Variants in FIZ1 observed in about 807,000 individuals in gnomAD.
FIZ1 encodes the protein flt3-interacting zinc finger protein 1.
A neutral mutation model predicts 5.3 loss-of-function variants in FIZ1; 2 were observed. The observed-to-expected ratio is 0.37, with a 90% CI of 0.15 to 1.18. The LOEUF is 1.18. Among genes scored for constraint, FIZ1 ranks in the 50% most tolerant of loss-of-function variants. FIZ1 has a pLI of 0.37. For synonymous variants in FIZ1, 407 were observed against 364.2 expected (o/e 1.12, Z -1.34); for missense variants, 631 against 749.7 (o/e 0.84, Z 1.85).
In FIZ1 at chr19:55,592,847, G is replaced by T; in HGVS notation, c.1094C>A (p.Ala365Asp). The T allele has an allele frequency of 6.4e-7, 1 of 1,555,346 alleles. No individual in the cohort carries two copies. The highest frequency in any genetic ancestry group is 8.6e-7 in the Non-Finnish European group (1 of 1,156,438). ...CAAGGCGGCCAGCGCCGCGTACAGA[G>T]CCCCGCAGTGGCCGCAGCCGTAGGT... ...PATYGCGHCG[A>D]LYAALAALEE... Residue 365 changes from alanine (A) to aspartate (D), a missense_variant, in exon 3 of 3, where the codon GCT becomes GAT. Physicochemically the swap from Ala to Asp is moderately radical, Grantham distance 126. Coordinates refer to ENST00000221665, the MANE Select transcript of FIZ1 (RefSeq NM_032836.3). The surrounding 1 kb of genome is among the most constrained non-coding windows in gnomAD (Gnocchi z 6.9).
chr19:55,595,386 C>T (rs906395951), intron 2 of FIZ1, among the ~76,000 whole-genome samples: 1 of 152,142 alleles, frequency 6.6e-6, no homozygotes, highest in African/African-American at 2.4e-5. Context: ...GGTCCCAGGG[C>T]CCTTGTACAT....
chr19:55,592,340 G>T lies in FIZ1; in HGVS notation c.*110C>A. On this transcript the variant is annotated 3_prime_UTR_variant, in exon 3 of 3. Transcript: ENST00000221665. The surrounding 1 kb of genome is among the most constrained non-coding windows in gnomAD (Gnocchi z 6.9). The stretch of plus-strand genomic sequence containing the variant: ...AGGGTCCCCTCATTTCAGGGCCTGC[G>T]TCTGGATTTGGATTTGGAGGGCCGG... 2 of 1,139,414 alleles carry T rather than the reference G, an allele frequency of 1.8e-6. No individual in the cohort carries two copies. The highest frequency in any genetic ancestry group is 2.4e-6 in the Non-Finnish European group (2 of 831,020). The allele number at this position is 1,139,414 out of a possible 1,614,324, so 70.6% of individuals were successfully genotyped here.
At position 55,593,771 on chromosome 19, in the gene FIZ1, A is replaced by C. The variant is rs1451846768; in HGVS notation, c.295-125T>G. 1 of 843,732 alleles carries C rather than the reference A, an allele frequency of 1.2e-6. No individual in the cohort carries two copies. Among genetic ancestry groups the C allele is most frequent in the South Asian group, 1.6e-5 (1 of 61,114 alleles). The allele number at this position is 843,732 out of a possible 1,614,324, so 52.3% of individuals were successfully genotyped here. On this transcript the variant is annotated intron_variant, in intron 2 of 2. Transcript: ENST00000221665. This position sits in a 1 kb window ranked among gnomAD's most constrained non-coding sequence, Gnocchi z 6.3. ...ACACCTACAGGGCCATGATCTAGGG[A>C]AACGCTCGTCCTATCACTCTCTGTT...
intron 1 of FIZ1, 175 bp from the exon 2 acceptor site, chr19:55,598,076 C>G: frequency 1.3e-6 from 1 of 755,562 alleles, no homozygotes; most frequent in Non-Finnish European, 2.1e-6. Flanking sequence ...ACCCTTCTCT[C>G]GCGGCTCCAC....
Position 55,593,030 on chromosome 19 carries a change from T to A in FIZ1, c.911A>T (p.Lys304Met). Residue 304 changes from lysine to methionine, a missense_variant, in exon 3 of 3, where the codon AAG becomes ATG. Coordinates refer to ENST00000221665, the MANE Select transcript of FIZ1 (RefSeq NM_032836.3). The surrounding 1 kb of genome is among the most constrained non-coding windows in gnomAD (Gnocchi z 6.3). The stretch of plus-strand genomic sequence containing the variant: ...GCCCTCGGGGAGCAGCCCCCCGAGC[T>A]TGGGCACGCCGCCCCCCGCGGGGCC... Reference protein sequence around the residue: ...LLGPAGGGVPKLGGLLPEGGG... With the variant: ...LLGPAGGGVPMLGGLLPEGGG... 1 of 1,429,240 alleles carries A rather than the reference T, an allele frequency of 7.0e-7. No individual in the cohort carries two copies. Among genetic ancestry groups the A allele is most frequent in the Non-Finnish European group, 9.1e-7 (1 of 1,100,588 alleles). The allele number at this position is 1,429,240 out of a possible 1,614,324, so 88.5% of individuals were successfully genotyped here.
chr19:55,592,248 C>G lies in FIZ1; in HGVS notation c.*202G>C, dbSNP rs1980037712. ...GGCTCCCCTGCCCCAGCTAAGGACC[C>G]TGTTTGTTTGTGGTCCCCCAGCTCC... On this transcript the variant is annotated 3_prime_UTR_variant, in exon 3 of 3. Coordinates refer to ENST00000221665, the MANE Select transcript of FIZ1 (RefSeq NM_032836.3). The surrounding 1 kb of genome is among the most constrained non-coding windows in gnomAD (Gnocchi z 6.9). 1 of 588,268 alleles carries G rather than the reference C, an allele frequency of 1.7e-6. No homozygotes were observed. The highest frequency in any genetic ancestry group is 2.9e-6 in the Non-Finnish European group (1 of 350,384). 36.4% of individuals were successfully genotyped at this position (588,268 alleles called of 1,614,324 possible).
intron 1 of FIZ1, chr19:55,598,599 A>C (rs955812831): frequency 6.6e-6 from 1 of 152,274 alleles, no homozygotes; most frequent in African/African-American, 2.4e-5. Flanking sequence ...TGTTTGGATG[A>C]CTATTATCCC....
chr19:55,597,523 C>A (rs1980383519), intron 2 of FIZ1, 49 bp downstream of exon 2: 2 of 1,574,740 alleles, frequency 1.3e-6, no homozygotes, highest in Non-Finnish European at 8.6e-7. Flanking sequence ...GGGATCCCAC[C>A]GTAGTCCTGA....
In FIZ1 at chr19:55,592,417, T is replaced by C. The variant is rs191295027; in HGVS notation, c.*33A>G. ...CTGGTCCAGGCCGAGTCCAGGAGGC[T>C]GGGTGGAGGGCAGGGCGCACGCAGC... On this transcript the variant is annotated 3_prime_UTR_variant, in exon 3 of 3. Transcript: ENST00000221665. This position sits in a 1 kb window ranked among gnomAD's most constrained non-coding sequence, Gnocchi z 6.9. 4.2e-5 allele frequency: 63 copies of C among 1,510,660 alleles called. 1 individual carries two copies. In the East Asian group the frequency reaches 1.5e-3, roughly 37 times the overall value. The allele number at this position is 1,510,660 out of a possible 1,614,324, so 93.6% of individuals were successfully genotyped here. A position where few individuals can be genotyped will look rare whatever the true frequency, so the allele number is the denominator to read the frequency against.
Position 55,593,393 on chromosome 19 carries a change from C to T in FIZ1, c.548G>A (p.Ser183Asn), listed in dbSNP as rs758460709. 46 of 1,405,098 alleles carry T rather than the reference C, an allele frequency of 3.3e-5. No homozygotes were observed. The African/African-American group carries it at 6.9e-4, about 21-fold the overall frequency. 87.0% of individuals were successfully genotyped at this position (1,405,098 alleles called of 1,614,324 possible). Residue 183 changes from serine to asparagine, a missense_variant, in exon 3 of 3, where the codon AGC becomes AAC. Ser to Asn is a conservative substitution (Grantham distance 46, BLOSUM62 1). Transcript: ENST00000221665. The surrounding 1 kb of genome is among the most constrained non-coding windows in gnomAD (Gnocchi z 6.3). ...GPEGAGAGLG[S>N]WGLAEAAAAA... Reference sequence around the variant, plus strand: ...AGCTGCCGCCTCTGCCAGCCCCCAGCTGCCCAGACCCGCGCCTGCCCCCTC... The same window carrying T: ...AGCTGCCGCCTCTGCCAGCCCCCAGTTGCCCAGACCCGCGCCTGCCCCCTC...
intron 1 of FIZ1, chr19:55,598,589 T>A (rs1980453240): frequency 1.3e-5 from 2 of 152,372 alleles, no homozygotes; most frequent in Admixed American, 1.3e-4. Context: ...ACAAGTAAGC[T>A]GTTTGGATGA....
chr19:55,596,751 C>T (rs1355185578), intron 2 of FIZ1, among the ~76,000 whole-genome samples: 1 of 152,194 alleles, frequency 6.6e-6, no homozygotes, highest in Admixed American at 6.5e-5. Flanking sequence ...CACCTCACTG[C>T]AACCTCTGCC....
intron 2 of FIZ1, 113 bp downstream of exon 2, chr19:55,597,459 G>A: frequency 6.9e-7 from 1 of 1,441,728 alleles, no homozygotes; most frequent in Non-Finnish European, 9.1e-7. Flanking sequence ...ATGGGAGGAG[G>A]CGGGCGCCTA....
intron 2 of FIZ1, among the ~76,000 whole-genome samples, chr19:55,596,739 C>G (rs969912171): frequency 1.3e-5 from 2 of 152,230 alleles, no homozygotes; most frequent in African/African-American, 4.8e-5. Context: ...ATGGTGCAAT[C>G]TCACCTCACT....
intron 1 of FIZ1, chr19:55,598,772 C>G (rs1194313420): frequency 6.6e-6 from 1 of 152,252 alleles, no homozygotes; most frequent in Non-Finnish European, 1.5e-5. Context: ...GGACTCCCGT[C>G]ACCTTCTCAG....
At position 55,593,224 on chromosome 19, in the gene FIZ1, C is replaced by G; in HGVS notation, c.717G>C (p.Ala239=). Residue 239 remains alanine (A), a synonymous_variant, in exon 3 of 3, where the codon GCG becomes GCC. Transcript: ENST00000221665. The surrounding 1 kb of genome is among the most constrained non-coding windows in gnomAD (Gnocchi z 6.3). ...GCTTGTGCCGCTCCAGCAGCGCGGG[C>G]GCGTTGAAGTCGCGCTCGCAGCGCG... ...KCPRCERDFN[A]PALLERHKLT... is the part of the protein sequence containing the mutation. The G allele has an allele frequency of 8.1e-7, 1 of 1,235,090 alleles. No individual in the cohort carries two copies. The highest frequency in any genetic ancestry group is 2.0e-5 in the South Asian group (1 of 50,076). 76.5% of individuals were successfully genotyped at this position (1,235,090 alleles called of 1,614,324 possible).
At chr19:55,596,678 GT>G (rs1451160629) in intron 2 of FIZ1, among the ~76,000 whole-genome samples, 1 of 151,996 alleles carries the variant, frequency 6.6e-6, no homozygotes, top group East Asian at 1.9e-4. Context: ...TTTTTTGTTT[GT>G]TTGTTTGTTT....
chr19:55,598,285 T>C (rs1440101743), intron 1 of FIZ1: 4 of 187,598 alleles, frequency 2.1e-5, no homozygotes, highest in African/African-American at 4.7e-5. Context: ...GATCTTGTAT[T>C]CTTTGCCAAG....
chr19:55,595,764 C>T (rs1980299480), intron 2 of FIZ1: 1 of 152,254 alleles, frequency 6.6e-6, no homozygotes. Context: ...TTCCCTGGAT[C>T]CGGAAAGCCT....
Sources: gnomAD v4.1 joint callset for allele counts (sites outside exome capture counted in the v4.1 genomes callset) on GRCh38, gnomAD v4.1.1 for gene constraint, Gnocchi (gnomAD v3.1) non-coding constraint, MANE v1.5 for transcripts, NCBI Gene and HGNC (gene_info 2026-07-23, HGNC 2026-07-21) for gene names.